Variants in ARHGAP15 observed in about 807,000 individuals in gnomAD.
ARHGAP15 encodes the protein Rho GTPase activating protein 15, also known as rho GTPase-activating protein 15.
Under a neutral mutation model 63.7 loss-of-function variants are expected in ARHGAP15, and 51 were observed. That is an observed-to-expected ratio of 0.80 (90% CI 0.64 to 1.01). The LOEUF is 1.01. ARHGAP15 is among the 50% of genes least tolerant of loss of function. The probability of loss-of-function intolerance (pLI) is 0.00; values close to 1 mark genes in which losing one functional copy is unlikely to be tolerated. For missense variants in ARHGAP15, 560 were observed against 564.6 expected, an observed-to-expected ratio of 0.99 and a Z score of 0.08; for synonymous variants, 191 against 193.8, an observed-to-expected ratio of 0.99 and a Z score of 0.12.
intron 10 of ARHGAP15, among the ~76,000 whole-genome samples, chr2:143,520,123 C>T (rs1693998456): frequency 6.6e-6 from 1 of 152,116 alleles, no homozygotes; most frequent in African/African-American, 2.4e-5. Flanking sequence ...AAGTTTACAA[C>T]ATATTCCCAG....
At chr2:143,731,321 G>A (rs763976512) in intron 13 of ARHGAP15, among the ~76,000 whole-genome samples, 1 of 152,120 alleles carries the variant, frequency 6.6e-6, no homozygotes, top group East Asian at 1.9e-4. Flanking sequence ...TTTCCAATGG[G>A]GGTAATTCCA....
At chr2:143,732,257 G>A (rs1192888061) in intron 13 of ARHGAP15, among the ~76,000 whole-genome samples, 1 of 152,144 alleles carries the variant, frequency 6.6e-6, no homozygotes, top group African/African-American at 2.4e-5. Context: ...ATGACTCACA[G>A]GGAATGAAGC....
At chr2:143,216,323 T>C (rs1692754864) in intron 3 of ARHGAP15, 61 bp from the exon 4 acceptor site, 2 of 1,271,530 alleles carry the variant, frequency 1.6e-6, no homozygotes, top group South Asian at 2.6e-5. Context: ...AGCATAGGTT[T>C]ATTCAAATCA....
chr2:143,643,409 G>A (rs1007105628), intron 12 of ARHGAP15, among the ~76,000 whole-genome samples: 2 of 136,380 alleles, frequency 1.5e-5, no homozygotes, highest in African/African-American at 2.6e-5. Context: ...CTAGATGTGT[G>A]ACACCTCCCC....
At chr2:143,207,348 G>A (rs964167752) in intron 3 of ARHGAP15, among the ~76,000 whole-genome samples, 4 of 151,932 alleles carry the variant, frequency 2.6e-5, no homozygotes, top group Non-Finnish European at 5.9e-5. Context: ...GTAACATCGA[G>A]AAGTCCTGCT....
intron 4 of ARHGAP15, among the ~76,000 whole-genome samples, chr2:143,223,375 G>T (rs62171736): frequency 0.023 from 3,484 of 152,210 alleles, 58 homozygotes; most frequent in Middle Eastern, 0.095. Context: ...GGAAACTGAT[G>T]GCTGTCTCCC....
rs186987813 is a variant in ARHGAP15, at chr2:143,589,011, C to T, written c.1003+32526C>T. Among the ~76,000 whole-genome samples, 424 of 152,252 alleles carry T rather than the reference C, an allele frequency of 2.8e-3. 1 individual carries two copies. The highest frequency in any genetic ancestry group is 1.0e-2 in the African/African-American group (414 of 41,544). The stretch of plus-strand genomic sequence containing the variant: ...TTTTGCTGATTCCTCTTCATTATTT[C>T]ACCTATTAAACTAGGCATGAAAAAA... On this transcript the variant is annotated intron_variant, in intron 11 of 13. Coordinates refer to ENST00000295095, the MANE Select transcript of ARHGAP15 (RefSeq NM_018460.4).
chr2:143,249,910 C>T (rs1029028392), intron 5 of ARHGAP15, among the ~76,000 whole-genome samples: 1 of 152,068 alleles, frequency 6.6e-6, no homozygotes, highest in Non-Finnish European at 1.5e-5. Context: ...AAGTGAATTT[C>T]TAAAAGGCAT....
chr2:143,516,943 T>C (rs566968930), intron 9 of ARHGAP15, among the ~76,000 whole-genome samples: 1 of 151,228 alleles, frequency 6.6e-6, no homozygotes, highest in East Asian at 1.9e-4. Flanking sequence ...TTGTTTTTGT[T>C]TGTTGTTGTT....
rs1688097125 is a variant in ARHGAP15, at chr2:143,404,025, T to A, written c.475-31576T>A. On this transcript the variant is annotated intron_variant, in intron 6 of 13. Transcript: ENST00000295095. ...CTCTAGTTTAAATGGAAAATCCCCA[T>A]AATGTTAATATTTACTGGCTTTGGA... 2.0e-5 allele frequency among the ~76,000 whole-genome samples: 3 copies of A among 151,926 alleles called. No homozygotes were observed. The South Asian group carries it at 6.2e-4, about 32-fold the overall frequency.
At chr2:143,396,560 G>A (rs575941017) in intron 6 of ARHGAP15, among the ~76,000 whole-genome samples, 31 of 151,812 alleles carry the variant, frequency 2.0e-4, no homozygotes, top group Admixed American at 9.2e-4. Flanking sequence ...TATTGTGTGC[G>A]TGTGTGTTTT....
intron 10 of ARHGAP15, among the ~76,000 whole-genome samples, chr2:143,546,748 C>T (rs1408576606): frequency 1.3e-5 from 2 of 152,080 alleles, no homozygotes; most frequent in East Asian, 1.9e-4. Context: ...ATGATCACAG[C>T]GTAACAGTAG....
At chr2:143,209,325 G>A (rs1350770394) in intron 3 of ARHGAP15, among the ~76,000 whole-genome samples, 1 of 152,022 alleles carries the variant, frequency 6.6e-6, no homozygotes, top group Admixed American at 6.6e-5. Context: ...AATGCTAATA[G>A]AAACCATCTC....
At chr2:143,153,834 T>TCC (rs1558779487) in intron 1 of ARHGAP15, among the ~76,000 whole-genome samples, 1,655 of 71,378 alleles carry the variant, frequency 0.023, 130 homozygotes, top group Middle Eastern at 0.09. Context: ...CTTCTTCTTC[T>TCC]TCTTCTTCTT....
At chr2:143,372,803 G>A (rs1299365374) in intron 6 of ARHGAP15, among the ~76,000 whole-genome samples, 1 of 152,076 alleles carries the variant, frequency 6.6e-6, no homozygotes, top group Non-Finnish European at 1.5e-5. Flanking sequence ...CCTGTCATAT[G>A]CTAAGCAATT....
At chr2:143,330,103 A>C (rs1277869496) in intron 6 of ARHGAP15, among the ~76,000 whole-genome samples, 4 of 77,062 alleles carry the variant, frequency 5.2e-5, no homozygotes, top group Non-Finnish European at 1.0e-4. Flanking sequence ...TCAAAAAAAA[A>C]AAAAAAAAAA....
chr2:143,233,235 T>C (rs2104923831), intron 5 of ARHGAP15, among the ~76,000 whole-genome samples: 1 of 152,160 alleles, frequency 6.6e-6, no homozygotes, highest in South Asian at 2.1e-4. Context: ...CTAGGATCAC[T>C]TTTTCTTCTG....
intron 6 of ARHGAP15, among the ~76,000 whole-genome samples, chr2:143,338,323 T>G (rs1359490731): frequency 1.3e-5 from 2 of 152,164 alleles, no homozygotes; most frequent in African/African-American, 4.8e-5. Context: ...ATTTCTAACA[T>G]GTGGACAGAA....
At chr2:143,431,117 G>A (rs1230510249) in intron 6 of ARHGAP15, among the ~76,000 whole-genome samples, 2 of 151,888 alleles carry the variant, frequency 1.3e-5, no homozygotes, top group South Asian at 2.1e-4. Flanking sequence ...TTTTAAAATC[G>A]GGCTATCTTT....
Sources: gnomAD v4.1 joint callset for allele counts (sites outside exome capture counted in the v4.1 genomes callset) on GRCh38, gnomAD v4.1.1 for gene constraint, MANE v1.5 for transcripts, NCBI Gene and HGNC (gene_info 2026-07-23, HGNC 2026-07-21) for gene names.